The following ERC1 variants were observed in gnomAD, a reference collection of about 807,000 sequenced individuals.
The protein encoded by ERC1 is ELKS/RAB6-interacting/CAST family member 1, also known as RAB6 interacting protein 2.
A neutral mutation model predicts 132.0 loss-of-function variants in ERC1; 56 were observed. The observed-to-expected ratio is 0.42, with a 90% CI of 0.34 to 0.53. ERC1 has a LOEUF of 0.53. Ranked by LOEUF, ERC1 falls within the 20% of genes least tolerant of loss-of-function variation. The pLI, the probability that ERC1 is intolerant of heterozygous loss-of-function variation, is 0.03. For missense variants in ERC1, 1,202 were observed against 1,349.9 expected (o/e 0.89, Z 1.72); for synonymous variants, 478 against 476.1 (o/e 1.00, Z -0.05).
chr12:1,162,227 A>G (rs1022892254), intron 8 of ERC1, among the ~76,000 whole-genome samples: 2 of 152,210 alleles, frequency 1.3e-5, no homozygotes. Context: ...GTTCTCCCCT[A>G]TGGTTTAAAG....
intron 12 of ERC1, among the ~76,000 whole-genome samples, chr12:1,204,953 A>G (rs569523406): frequency 6.6e-6 from 1 of 152,180 alleles, no homozygotes; most frequent in Non-Finnish European, 1.5e-5. Flanking sequence ...TCAGACACAC[A>G]CACACCCACA....
intron 15 of ERC1, among the ~76,000 whole-genome samples, chr12:1,347,517 T>C (rs1440267025): frequency 1.3e-5 from 2 of 152,226 alleles, no homozygotes; most frequent in Admixed American, 1.3e-4. Flanking sequence ...ATTTTCAAGA[T>C]GTAGTAATTT....
At chr12:999,599 G>A (rs1961733873) in intron 1 of ERC1, among the ~76,000 whole-genome samples, 1 of 145,292 alleles carries the variant, frequency 6.9e-6, no homozygotes, top group Non-Finnish European at 1.5e-5. Context: ...ATTGAACCTG[G>A]TGCTAGGTGA....
intron 2 of ERC1, among the ~76,000 whole-genome samples, chr12:1,032,055 T>C (rs1447258006): frequency 2.6e-5 from 4 of 151,692 alleles, no homozygotes; most frequent in African/African-American, 7.3e-5. Context: ...TTCTTTTTTT[T>C]TTTTTTTTGA....
chr12:1,023,610 G>T (rs914367083), intron 1 of ERC1, among the ~76,000 whole-genome samples: 2 of 152,138 alleles, frequency 1.3e-5, no homozygotes, highest in Non-Finnish European at 2.9e-5. Context: ...AGTCTTTGTT[G>T]TACATATGTT....
At chr12:1,196,914 A>G (rs1364683599) in intron 12 of ERC1, among the ~76,000 whole-genome samples, 1 of 10,282 alleles carries the variant, frequency 9.7e-5, no homozygotes, top group Non-Finnish European at 1.8e-4. Flanking sequence ...CTACACACAC[A>G]CACACACACA....
intron 15 of ERC1, among the ~76,000 whole-genome samples, chr12:1,341,403 G>C (rs1265507754): frequency 6.6e-6 from 1 of 151,960 alleles, no homozygotes; most frequent in Non-Finnish European, 1.5e-5. Context: ...CAAAGACTTG[G>C]AACCAACCCA....
intron 15 of ERC1, among the ~76,000 whole-genome samples, chr12:1,292,103 A>G (rs1243517590): frequency 6.6e-6 from 1 of 152,236 alleles, no homozygotes; most frequent in Non-Finnish European, 1.5e-5. Flanking sequence ...TTCTAGATGA[A>G]CTAGTTCATT....
intron 12 of ERC1, among the ~76,000 whole-genome samples, chr12:1,192,187 C>T (rs1049185168): frequency 6.6e-6 from 1 of 152,178 alleles, no homozygotes; most frequent in Admixed American, 6.5e-5. Flanking sequence ...TCTTTTACCC[C>T]ATTTGGACCC....
At chr12:1,461,559 T>G (rs2093645553) in intron 18 of ERC1, among the ~76,000 whole-genome samples, 1 of 152,134 alleles carries the variant, frequency 6.6e-6, no homozygotes, top group South Asian at 2.1e-4. Flanking sequence ...TCTCAGCTAC[T>G]TGGGAGGCTG....
At position 1,319,937 on chromosome 12, in the gene ERC1, C is replaced by CT. The variant is rs149892559; in HGVS notation, c.2780+29931dup. On this transcript the variant is annotated intron_variant, in intron 15 of 18. Transcript: ENST00000360905. ...CAGGGGGGCGGCTTCTTATTTTTAC[C>CT]TTTTTTCTGATTTTATATATACAAT... 3.7e-3 allele frequency among the ~76,000 whole-genome samples: 566 copies of CT among 151,956 alleles called. 6 individuals carry two copies. The highest frequency in any genetic ancestry group is 0.02 in the Middle Eastern group (6 of 294).
At chr12:1,456,992 G>A (rs1192884188) in intron 18 of ERC1, among the ~76,000 whole-genome samples, 4 of 152,130 alleles carry the variant, frequency 2.6e-5, no homozygotes, top group South Asian at 2.1e-4. Context: ...AGTCGATGAC[G>A]GACCCCATGT....
At chr12:1,126,688 A>T (rs1326985038) in intron 7 of ERC1, among the ~76,000 whole-genome samples, 1 of 152,122 alleles carries the variant, frequency 6.6e-6, no homozygotes, top group Non-Finnish European at 1.5e-5. Context: ...TCAGATAAAG[A>T]ATAAAAAAGA....
At chr12:1,114,936 A>T (rs1946291805) in intron 6 of ERC1, among the ~76,000 whole-genome samples, 2 of 152,204 alleles carry the variant, frequency 1.3e-5, no homozygotes, top group Non-Finnish European at 2.9e-5. Context: ...CTTCATGGGA[A>T]ATTGTTCTCA....
intron 15 of ERC1, among the ~76,000 whole-genome samples, chr12:1,316,157 G>A (rs1566569884): frequency 6.6e-6 from 1 of 152,192 alleles, no homozygotes; most frequent in Non-Finnish European, 1.5e-5. Context: ...AAAGTGCTGG[G>A]ATTACTGGCT....
At chr12:1,008,253 G>C (rs2154136949) in intron 1 of ERC1, among the ~76,000 whole-genome samples, 1 of 152,202 alleles carries the variant, frequency 6.6e-6, no homozygotes, top group African/African-American at 2.4e-5. Flanking sequence ...GGTTGTGGTG[G>C]GACAACAGTA....
chr12:1,396,052 T>C (rs7963546), intron 16 of ERC1, among the ~76,000 whole-genome samples: 79,271 of 152,004 alleles, frequency 0.52, 23,906 homozygotes, highest in African/African-American at 0.84. Context: ...TTTATAAATA[T>C]GTGTAAACTG....
chr12:1,361,522 T>A (rs1481865368), intron 15 of ERC1, among the ~76,000 whole-genome samples: 1 of 152,204 alleles, frequency 6.6e-6, no homozygotes, highest in Non-Finnish European at 1.5e-5. Context: ...GCCACCTTCA[T>A]AAGGGAAGCT....
At chr12:1,048,031 GT>G (rs890794012) in intron 2 of ERC1, among the ~76,000 whole-genome samples, 4 of 152,280 alleles carry the variant, frequency 2.6e-5, no homozygotes, top group Admixed American at 6.5e-5. Context: ...TCATTTTGAA[GT>G]TTTGGGCAAA....
Sources: gnomAD v4.1 joint callset for allele counts (sites outside exome capture counted in the v4.1 genomes callset) on GRCh38, gnomAD v4.1.1 for gene constraint, MANE v1.5 for transcripts, NCBI Gene and HGNC (gene_info 2026-07-23, HGNC 2026-07-21) for gene names.